Variants in MRC1 observed in about 807,000 individuals in gnomAD.
MRC1 encodes mannose receptor C-type 1, also known as macrophage mannose receptor 1.
A neutral mutation model predicts 102.9 loss-of-function variants in MRC1; 62 were observed. The ratio of observed to expected loss-of-function variants is 0.60; its 90% CI spans 0.49 to 0.74. The LOEUF is 0.74. Ranked by LOEUF, MRC1 falls within the 30% of genes least tolerant of loss-of-function variation. The pLI is 0.00. For synonymous variants in MRC1, 457 were observed against 298.4 expected (o/e 1.53, Z -5.48); for missense variants, 1,237 against 862.8 (o/e 1.43, Z -5.43).
chr10:17,889,454 C>T (rs933600017), intron 22 of MRC1, among the ~76,000 whole-genome samples: 2 of 151,916 alleles, frequency 1.3e-5, no homozygotes, highest in East Asian at 1.9e-4. Context: ...CAAATAAAGG[C>T]GGGGTCTTTC....
rs1007039928 is a variant in MRC1, at chr10:17,837,212, C to A, written c.802+3373C>A. 8.5e-5 allele frequency among the ~76,000 whole-genome samples: 13 copies of A among 152,342 alleles called. No homozygotes were observed. In the East Asian group the frequency reaches 2.3e-3, roughly 27 times the overall value. ...AGGCTGGGTTCACCTCAGATACTTA[C>A]TTGAATCTTATCCAAGCCTCCGGAA... On this transcript the variant is annotated intron_variant, in intron 4 of 29. Coordinates refer to ENST00000569591, the MANE Select transcript of MRC1 (RefSeq NM_002438.4).
intron 17 of MRC1, 50 bp downstream of exon 17, chr10:17,875,303 GTGT>G (rs1228352126): frequency 1.2e-5 from 9 of 775,554 alleles, no homozygotes; most frequent in South Asian, 2.7e-5. Flanking sequence ...TGGGGAACAG[GTGT>G]TGTTTGGTTG....
At chr10:17,810,518 G>C (rs1351403601) in intron 1 of MRC1, among the ~76,000 whole-genome samples, 6 of 152,168 alleles carry the variant, frequency 3.9e-5, no homozygotes, top group Non-Finnish European at 7.4e-5. Flanking sequence ...CACAAGTGAA[G>C]GCGGTATGGT....
rs1281254924 is a variant in MRC1 at position 17,847,810 on chromosome 10, G to C, written c.1064-1769G>C. 6.5e-5 allele frequency among the ~76,000 whole-genome samples: 3 copies of C among 46,008 alleles called. No homozygotes were observed. In the South Asian group the frequency reaches 2.9e-3, roughly 44 times the overall value. 30.2% of individuals were successfully genotyped at this position (46,008 alleles called of 152,430 possible). On this transcript the variant is annotated intron_variant, in intron 6 of 29. Coordinates refer to ENST00000569591, the MANE Select transcript of MRC1 (RefSeq NM_002438.4). ...AATATGTTTAAAGTTCATCATTTCA[G>C]TTTTTGAAGGACAGCATTGGCTGAT...
intron 16 of MRC1, among the ~76,000 whole-genome samples, chr10:17,874,826 G>A (rs978930345): frequency 2.1e-4 from 32 of 152,190 alleles, no homozygotes; most frequent in South Asian, 2.1e-3. Context: ...AGTGACACCC[G>A]GAGTTCTTTT....
chr10:17,862,640 G>A (rs1358398547), intron 10 of MRC1, among the ~76,000 whole-genome samples: 2 of 152,222 alleles, frequency 1.3e-5, no homozygotes, highest in Admixed American at 6.5e-5. Flanking sequence ...CAACTAAATC[G>A]AGTTTGGAAC....
chr10:17,880,593 A>G lies in MRC1; in HGVS notation c.2788A>G (p.Asn930Asp), dbSNP rs1833499637. The change falls in exon 20 of 30, where the codon AAT becomes GAT. Residue 930 changes from asparagine (N) to aspartate (D), a missense_variant. Asn to Asp is a conservative substitution (Grantham distance 23). Transcript: ENST00000569591. ...TTGCCAGCGACATAACAGTAGTATC[A>G]ATGCTACCACAGTTATGCCTACCAT... ...FICQRHNSSI[N>D]ATTVMPTMPS... is the part of the protein sequence containing the mutation. 4 of 780,860 alleles carry G rather than the reference A, an allele frequency of 5.1e-6. No homozygotes were observed. Among genetic ancestry groups the G allele is most frequent in the Admixed American group, 5.1e-5 (3 of 59,020 alleles). 48.4% of individuals were successfully genotyped at this position (780,860 alleles called of 1,614,324 possible).
chr10:17,872,117 A>G lies in MRC1; in HGVS notation c.2335A>G (p.Ile779Val). Residue 779 changes from isoleucine to valine, a missense_variant, in exon 15 of 30, where the codon ATA (isoleucine) becomes GTA (valine). By Grantham distance (29) the Ile-to-Val change is conservative. Coordinates refer to ENST00000569591, the MANE Select transcript of MRC1 (RefSeq NM_002438.4). ...CEHLNNWICQIQKGQTPKPEP... is the reference protein window; with the variant it reads ...CEHLNNWICQVQKGQTPKPEP... ...ACACCTTAACAACTGGATTTGCCAG[A>G]TACAAAAAGGTATGATCACCTCTTC... 1.3e-6 allele frequency: 1 copy of G among 780,640 alleles called. No homozygotes were observed. The highest frequency in any genetic ancestry group is 2.4e-5 in the East Asian group (1 of 41,244). 48.4% of individuals were successfully genotyped at this position (780,640 alleles called of 1,614,324 possible).
intron 22 of MRC1, among the ~76,000 whole-genome samples, chr10:17,887,432 G>C (rs1833614439): frequency 6.6e-6 from 1 of 152,102 alleles, no homozygotes; most frequent in Non-Finnish European, 1.5e-5. Flanking sequence ...ACAAAAAACT[G>C]GTGATGGGTA....
intron 7 of MRC1, 135 bp from the exon 8 acceptor site, chr10:17,852,832 C>T (rs1265180334): frequency 7.9e-6 from 6 of 758,240 alleles, no homozygotes; most frequent in African/African-American, 5.1e-5. Flanking sequence ...CTCATGAGGA[C>T]TATCTTTCAT....
At chr10:17,818,459 G>A (rs1838345485) in intron 1 of MRC1, among the ~76,000 whole-genome samples, 1 of 152,146 alleles carries the variant, frequency 6.6e-6, no homozygotes, top group African/African-American at 2.4e-5. Flanking sequence ...AGATGGTTAT[G>A]GATATTATAT....
chr10:17,879,295 A>G (rs1367120454), intron 18 of MRC1, among the ~76,000 whole-genome samples: 1 of 151,966 alleles, frequency 6.6e-6, no homozygotes, highest in Non-Finnish European at 1.5e-5. Context: ...TTTTCCTGCC[A>G]CTCTCTGGAG....
chr10:17,852,809 G>C (rs906905079), intron 7 of MRC1, among the ~76,000 whole-genome samples, 158 bp from the exon 8 acceptor site: 5 of 152,174 alleles, frequency 3.3e-5, no homozygotes, highest in Non-Finnish European at 7.3e-5. Flanking sequence ...ACAGCATGTA[G>C]GTCAGATGAG....
At position 17,901,997 on chromosome 10, in the gene MRC1, A is replaced by G. The variant is rs1306216653; in HGVS notation, c.3674A>G (p.Gln1225Arg). The G allele has an allele frequency of 3.8e-6, 3 of 780,800 alleles. No homozygotes were observed. Among genetic ancestry groups the G allele is most frequent in the Non-Finnish European group, 7.2e-6 (3 of 417,958 alleles). 48.4% of individuals were successfully genotyped at this position (780,800 alleles called of 1,614,324 possible). A position where few individuals can be genotyped will look rare whatever the true frequency, so the allele number is the denominator to read the frequency against. The stretch of plus-strand genomic sequence containing the variant: ...GAAATCCCTGCTACTGAACCCCCAC[A>G]ACTGCCTGGCAGATGCCCGGAGTCA... Reference protein sequence around the residue: ...SDEIPATEPPQLPGRCPESDH... With the variant: ...SDEIPATEPPRLPGRCPESDH... Residue 1225 changes from glutamine to arginine, a missense_variant, in exon 26 of 30, where the codon CAA becomes CGA. Transcript: ENST00000569591.
Position 17,866,585 on chromosome 10 carries a change from A to G in MRC1, c.1807A>G (p.Met603Val), listed in dbSNP as rs1833271279. ...MPGRKPGCVA[M>V]RTGIAGGLWD... ...AGGGCGAAAGCCAGGGTGTGTTGCC[A>G]TGAGAACCGGGATTGCAGGGGGCTT... The change falls in exon 12 of 30, where the codon ATG becomes GTG. Residue 603 changes from methionine (M) to valine (V), a missense_variant. Coordinates refer to ENST00000569591, the MANE Select transcript of MRC1 (RefSeq NM_002438.4). 2 of 780,874 alleles carry G rather than the reference A, an allele frequency of 2.6e-6. No homozygotes were observed. Among genetic ancestry groups the G allele is most frequent in the South Asian group, 1.3e-5 (1 of 74,624 alleles). 48.4% of individuals were successfully genotyped at this position (780,874 alleles called of 1,614,324 possible).
chr10:17,907,717 G>A lies in MRC1; in HGVS notation c.4078+19G>A, dbSNP rs1833914548. ...CCAAAAAGTAAGTAAGAAGTTTGTT[G>A]CATGGTGCATATCACTGGCTGCCAT... is the stretch of plus-strand genomic sequence containing the variant. On this transcript the variant is annotated intron_variant, in intron 28 of 29. Transcript: ENST00000569591. 3.8e-6 allele frequency: 3 copies of A among 780,736 alleles called. No individual in the cohort carries two copies. Among genetic ancestry groups the A allele is most frequent in the Non-Finnish European group, 7.2e-6 (3 of 417,894 alleles). The allele number at this position is 780,736 out of a possible 1,614,324, so 48.4% of individuals were successfully genotyped here.
Position 17,866,470 on chromosome 10 carries a change from C to G in MRC1, c.1784-92C>G, listed in dbSNP as rs1465194663. Reference sequence around the variant, plus strand: ...CTGAGATCATAATTGGGCATCAGAACCCTGATGCTCGGTTCTGAGTGCCTT... The same window carrying G: ...CTGAGATCATAATTGGGCATCAGAAGCCTGATGCTCGGTTCTGAGTGCCTT... On this transcript the variant is annotated intron_variant, in intron 11 of 29. Transcript: ENST00000569591. 12 of 779,360 alleles carry G rather than the reference C, an allele frequency of 1.5e-5. No homozygotes were observed. In the East Asian group the frequency reaches 2.9e-4, roughly 19 times the overall value. The allele number at this position is 779,360 out of a possible 1,614,324, so 48.3% of individuals were successfully genotyped here.
At chr10:17,815,481 A>C (rs1004582616) in intron 1 of MRC1, among the ~76,000 whole-genome samples, 77 of 152,136 alleles carry the variant, frequency 5.1e-4, no homozygotes, top group African/African-American at 1.8e-3. Context: ...GAGAGCAGAA[A>C]CTAGCTGTGG....
At chr10:17,905,779 G>A (rs1218676571) in intron 26 of MRC1, among the ~76,000 whole-genome samples, 1 of 152,118 alleles carries the variant, frequency 6.6e-6, no homozygotes, top group African/African-American at 2.4e-5. Context: ...CAGAAAGCCT[G>A]GGTCATACCA....
Sources: gnomAD v4.1 joint callset for allele counts (sites outside exome capture counted in the v4.1 genomes callset) on GRCh38, gnomAD v4.1.1 for gene constraint, MANE v1.5 for transcripts, NCBI Gene and HGNC (gene_info 2026-07-23, HGNC 2026-07-21) for gene names.